The following DGKQ variants were observed in gnomAD, a reference collection of about 807,000 sequenced individuals.
The protein encoded by DGKQ is diacylglycerol kinase theta.
In DGKQ, 97 loss-of-function variants were observed where a neutral mutation model predicts 104.2. The ratio of observed to expected loss-of-function variants is 0.93; its 90% CI spans 0.79 to 1.10. DGKQ has a LOEUF of 1.10. DGKQ is among the 50% of genes least tolerant of loss of function. The pLI, the probability that DGKQ is intolerant of heterozygous loss-of-function variation, is 0.00. For synonymous variants in DGKQ, 736 were observed against 595.2 expected, an observed-to-expected ratio of 1.24 and a Z score of -3.44; for missense variants, 1,465 against 1,352.1, an observed-to-expected ratio of 1.08 and a Z score of -1.31.
intron 2 of DGKQ, 46 bp from the exon 3 acceptor site, chr4:968,956 C>T (rs1400714283): frequency 8.0e-7 from 1 of 1,245,920 alleles, no homozygotes; most frequent in South Asian, 1.4e-5. Flanking sequence ...GGGCAACAGG[C>T]TGCCCGCCAC....
intron 11 of DGKQ, 102 bp downstream of exon 11, chr4:966,646 C>T (rs1054876320): frequency 1.3e-6 from 2 of 1,507,726 alleles, no homozygotes; most frequent in Non-Finnish European, 9.0e-7. Context: ...AGGGCAGAGC[C>T]CGGCCTTGAT....
Position 968,897 on chromosome 4 carries a change from TG to T in DGKQ, c.364del (p.His122ThrfsTer179). The T allele has an allele frequency of 1.3e-6, 2 of 1,594,010 alleles. No homozygotes were observed. Among genetic ancestry groups the T allele is most frequent in the Non-Finnish European group, 1.7e-6 (2 of 1,167,714 alleles). ...GTGGAGCCCCCGGGGGCCGAAGCAG[TG>T]GGCTACAGGAACCTGGTGGGGCAGC... The part of the protein sequence containing the change: ...APSLVRVPVA[H>X]CFGPRGLHKR... On this transcript the variant is annotated frameshift_variant, in exon 3 of 23. Transcript: ENST00000273814. LOFTEE classifies it high-confidence loss of function.
At position 967,817 on chromosome 4, in the gene DGKQ, C is replaced by G. The variant is rs750636457; in HGVS notation, c.812-15G>C. 6.3e-7 allele frequency: 1 copy of G among 1,585,722 alleles called. No homozygotes were observed. Among genetic ancestry groups the G allele is most frequent in the Non-Finnish European group, 8.6e-7 (1 of 1,167,296 alleles). ...GCCCCCCTCGCCTGCGGGTCGGGCA[C>G]ACGGACCCCTCATTCAGTGCGCAGC... On this transcript the variant is annotated splice_polypyrimidine_tract_variant and intron_variant, in intron 6 of 22. Coordinates refer to ENST00000273814, the MANE Select transcript of DGKQ (RefSeq NM_001347.4).
Position 973,461 on chromosome 4 carries a change from C to T in DGKQ, c.22G>A (p.Gly8Arg). Residue 8 changes from glycine (G) to arginine (R), a missense_variant, in exon 1 of 23, where the codon GGG becomes AGG. Coordinates refer to ENST00000273814, the MANE Select transcript of DGKQ (RefSeq NM_001347.4). MAAAAEP[G>R]ARAWLGGGSP... is the part of the protein sequence containing the mutation. ...CCGCCGCCCAGCCAGGCGCGGGCCC[C>T]GGGCTCGGCCGCCGCCGCCATTCCC... is the stretch of plus-strand genomic sequence containing the variant. 2 of 986,480 alleles carry T rather than the reference C, an allele frequency of 2.0e-6. No homozygotes were observed. The highest frequency in any genetic ancestry group is 2.4e-6 in the Non-Finnish European group (2 of 831,864). 61.1% of individuals were successfully genotyped at this position (986,480 alleles called of 1,614,324 possible). A position where few individuals can be genotyped will look rare whatever the true frequency, so the allele number is the denominator to read the frequency against.
chr4:968,152 C>G, intron 5 of DGKQ, 125 bp from the exon 6 acceptor site: 1 of 830,852 alleles, frequency 1.2e-6, no homozygotes, highest in Non-Finnish European at 1.8e-6. Context: ...TCCTGCCGCC[C>G]GCCCCCGAGC....
intron 1 of DGKQ, among the ~76,000 whole-genome samples, chr4:972,786 G>C (rs1351289307): frequency 6.6e-6 from 1 of 151,962 alleles, no homozygotes; most frequent in Non-Finnish European, 1.5e-5. Flanking sequence ...CACGCGCACC[G>C]GGACGGCAGG....
In DGKQ at chr4:963,240, G is replaced by A. The variant is rs1712024841; in HGVS notation, c.1785C>T (p.Pro595=). 1 of 1,611,116 alleles carries A rather than the reference G, an allele frequency of 6.2e-7. No individual in the cohort carries two copies. The change falls in exon 16 of 23, where the codon CCC becomes CCT. Residue 595 remains proline, a synonymous_variant. Coordinates refer to ENST00000273814, the MANE Select transcript of DGKQ (RefSeq NM_001347.4). The part of the protein sequence containing the change: ...DSCPLLVFVN[P]KSGGLKGRDL... ...CTCGGCCCTTGAGGCCTCCACTCTT[G>A]GGGTTCACGAACACAAGGAGGGGAC...
At chr4:966,267 G>A (rs899033722) in intron 12 of DGKQ, 189 bp from the exon 13 acceptor site, 55 of 831,914 alleles carry the variant, frequency 6.6e-5, no homozygotes, top group Non-Finnish European at 9.5e-5. Flanking sequence ...CGTTCCCCTC[G>A]AGGACCTCGG....
intron 16 of DGKQ, 102 bp downstream of exon 16, chr4:963,037 G>A: frequency 3.4e-6 from 5 of 1,490,720 alleles, no homozygotes; most frequent in East Asian, 2.5e-5. Flanking sequence ...TCCCAGCACG[G>A]GATCCCCGTG....
At chr4:970,786 C>T (rs1371635439) in intron 2 of DGKQ, among the ~76,000 whole-genome samples, 3 of 152,174 alleles carry the variant, frequency 2.0e-5, no homozygotes, top group Non-Finnish European at 4.4e-5. Context: ...TTGCTATTTG[C>T]GACCTCGGGG....
rs527268265 is a variant in DGKQ at position 970,227 on chromosome 4, C to G, written c.351+766G>C. Reference sequence around the variant, plus strand: ...GTGCCTGCTGGCCTGGCTTCCCGTCCTGCTGCACACCCGGGCCTGCCTCGC... The same window carrying G: ...GTGCCTGCTGGCCTGGCTTCCCGTCGTGCTGCACACCCGGGCCTGCCTCGC... On this transcript the variant is annotated intron_variant, in intron 2 of 22. Coordinates refer to ENST00000273814, the MANE Select transcript of DGKQ (RefSeq NM_001347.4). Among the ~76,000 whole-genome samples, 11 of 152,398 alleles carry G rather than the reference C, an allele frequency of 7.2e-5. No homozygotes were observed. The South Asian group carries it at 2.3e-3, about 32-fold the overall frequency.
intron 12 of DGKQ, 159 bp downstream of exon 12, chr4:966,307 G>C (rs752459985): frequency 1.5e-5 from 13 of 890,496 alleles, no homozygotes; most frequent in Non-Finnish European, 2.1e-5. Flanking sequence ...CCTCCCTGCA[G>C]GGACCAAGTA....
rs1055034274 is a variant in DGKQ at position 965,104 on chromosome 4, C to T, written c.1734+72G>A. The T allele has an allele frequency of 8.0e-5, 97 of 1,211,234 alleles. 1 individual carries two copies. Among genetic ancestry groups the T allele is most frequent in the African/African-American group, 2.2e-4 (15 of 67,048 alleles). The allele number at this position is 1,211,234 out of a possible 1,614,324, so 75.0% of individuals were successfully genotyped here. ...AGCGAGTCTGGCTGTGGGGCCTGTGCACCTGCAGACCCCGACCTCCCTCTG... is the reference window on the plus strand; with the variant it reads ...AGCGAGTCTGGCTGTGGGGCCTGTGTACCTGCAGACCCCGACCTCCCTCTG... On this transcript the variant is annotated intron_variant, in intron 15 of 22. Coordinates refer to ENST00000273814, the MANE Select transcript of DGKQ (RefSeq NM_001347.4).
chr4:968,480 T>C lies in DGKQ; in HGVS notation c.536A>G (p.His179Arg). 6.2e-7 allele frequency: 1 copy of C among 1,604,234 alleles called. No individual in the cohort carries two copies. The highest frequency in any genetic ancestry group is 8.5e-7 in the Non-Finnish European group (1 of 1,175,826). Reference sequence around the variant, plus strand: ...GCTCCCTGGGGCCGGTACACTCACGTGATCCTGGTGCCCATCCTGGTGGCA... The same window carrying C: ...GCTCCCTGGGGCCGGTACACTCACGCGATCCTGGTGCCCATCCTGGTGGCA... Reference protein sequence around the residue: ...RQCHQDGHQDHDTHHHHWREG... With the variant: ...RQCHQDGHQDRDTHHHHWREG... The change falls in exon 4 of 23, where the codon CAC becomes CGC. Residue 179 changes from histidine (H) to arginine (R), a missense_variant and splice_region_variant. Coordinates refer to ENST00000273814, the MANE Select transcript of DGKQ (RefSeq NM_001347.4).
At chr4:965,619 A>G in intron 13 of DGKQ, 90 bp from the exon 14 acceptor site, 1 of 1,439,624 alleles carries the variant, frequency 6.9e-7, no homozygotes, top group South Asian at 1.3e-5. Flanking sequence ...TCCAGGGGTG[A>G]CATCTCACCC....
rs1461851032 is a variant in DGKQ, at chr4:968,860, G to A, written c.402C>T (p.Phe134=). 6.2e-7 allele frequency: 1 copy of A among 1,608,896 alleles called. No homozygotes were observed. Among genetic ancestry groups the A allele is most frequent in the Non-Finnish European group, 8.5e-7 (1 of 1,177,560 alleles). ...FGPRGLHKRK[F]CAVCRKVLEA... ...CCAGGACCTTGCGGCAGACAGCACA[G>A]AACTTGCGCTTGTGGAGCCCCCGGG... Residue 134 remains phenylalanine, a synonymous_variant, in exon 3 of 23, where the codon TTC becomes TTT. Coordinates refer to ENST00000273814, the MANE Select transcript of DGKQ (RefSeq NM_001347.4).
intron 2 of DGKQ, 50 bp from the exon 3 acceptor site, chr4:968,960 C>G: frequency 8.2e-7 from 1 of 1,214,110 alleles, no homozygotes; most frequent in South Asian, 1.5e-5. Context: ...AACAGGCTGC[C>G]CGCCACCCCT....
At position 966,453 on chromosome 4, in the gene DGKQ, C is replaced by T; in HGVS notation, c.1428+13G>A. Reference sequence around the variant, plus strand: ...TGCTGGTTCCCTGGGGGCCGGCGTCCACACCCACTCACCTGCCGGATGTCC... The same window carrying T: ...TGCTGGTTCCCTGGGGGCCGGCGTCTACACCCACTCACCTGCCGGATGTCC... On this transcript the variant is annotated intron_variant, in intron 12 of 22. Transcript: ENST00000273814. 2 of 1,611,842 alleles carry T rather than the reference C, an allele frequency of 1.2e-6. No individual in the cohort carries two copies. The highest frequency in any genetic ancestry group is 1.7e-6 in the Non-Finnish European group (2 of 1,179,296).
In DGKQ at chr4:961,764, G is replaced by A; in HGVS notation, c.2386C>T (p.Gln796Ter). 6.2e-7 allele frequency: 1 copy of A among 1,612,288 alleles called. No individual in the cohort carries two copies. Among genetic ancestry groups the A allele is most frequent in the South Asian group, 1.1e-5 (1 of 91,036 alleles). ...KISHSRSLHKQIRLQVERQEV... is the reference protein window; with the variant it reads ...KISHSRSLHK The stretch of plus-strand genomic sequence containing the variant: ...TGCCGCTCCACCTGCAGCCGGATCT[G>A]CTTGTGCAGGCTCCGAGAGTGACTG... The change falls in exon 20 of 23, where the codon CAG (glutamine) becomes TAG (stop). Residue 796 changes from glutamine to a stop codon, truncating the protein, a stop_gained. Coordinates refer to ENST00000273814, the MANE Select transcript of DGKQ (RefSeq NM_001347.4). LOFTEE classifies it high-confidence loss of function.
Sources: gnomAD v4.1 joint callset for allele counts (sites outside exome capture counted in the v4.1 genomes callset) on GRCh38, gnomAD v4.1.1 for gene constraint, MANE v1.5 for transcripts, NCBI Gene and HGNC (gene_info 2026-07-23, HGNC 2026-07-21) for gene names.